SREK1: variants seen among roughly 807,000 people sequenced by gnomAD.
SREK1 encodes splicing regulatory glutamic acid and lysine rich protein 1.
A neutral mutation model predicts 66.5 loss-of-function variants in SREK1; 13 were observed. The observed-to-expected ratio is 0.20, with a 90% CI of 0.13 to 0.31. The LOEUF (loss-of-function observed/expected upper bound fraction) is 0.31, where lower values mean the gene tolerates loss of function less well. Among genes scored for constraint, SREK1 ranks in the 10% least tolerant of loss-of-function variants. SREK1 has a pLI of 1.00. For missense variants in SREK1, 607 were observed against 769.6 expected, an observed-to-expected ratio of 0.79 and a Z score of 2.50; for synonymous variants, 265 against 263.5, an observed-to-expected ratio of 1.01 and a Z score of -0.05.
At chr5:66,167,179 GTTCC>G (rs919563182) in intron 7 of SREK1, 8 of 152,122 alleles carry the variant, frequency 5.3e-5, no homozygotes, top group Non-Finnish European at 1.2e-4. Flanking sequence ...GCCTTTCCCT[GTTCC>G]TTCCGCTTCT....
At chr5:66,161,758 A>G (rs920931422) in intron 3 of SREK1, among the ~76,000 whole-genome samples, 1 of 152,232 alleles carries the variant, frequency 6.6e-6, no homozygotes, top group Non-Finnish European at 1.5e-5. Flanking sequence ...AGAGGCTTGT[A>G]GGAACTTCAC....
rs1297216692 is a variant in SREK1, at chr5:66,181,836, C to T, written c.*2968C>T. The T allele has an allele frequency of 7.4e-6, 1 of 135,652 alleles. No homozygotes were observed. Among genetic ancestry groups the T allele is most frequent in the East Asian group, 2.1e-4 (1 of 4,652 alleles). The allele number at this position is 135,652 out of a possible 1,614,324, so 8.4% of individuals were successfully genotyped here. On this transcript the variant is annotated 3_prime_UTR_variant, in exon 12 of 12. Transcript: ENST00000334121. ...TGTTGATCTTTGGCAGTGCCAGAGG[C>T]TTAAATTTTGACCTGCTCAATTAAA...
intron 11 of SREK1, 125 bp from the exon 12 acceptor site, chr5:66,178,594 A>G (rs1746257748): frequency 1.2e-6 from 1 of 863,234 alleles, no homozygotes; most frequent in Non-Finnish European, 1.7e-6. Flanking sequence ...TTGTGTGAAA[A>G]CGTAATGAGA....
intron 1 of SREK1, among the ~76,000 whole-genome samples, chr5:66,149,274 C>T (rs746477373): frequency 2.2e-4 from 33 of 151,832 alleles, no homozygotes; most frequent in Non-Finnish European, 2.6e-4. Context: ...CGCATGAACC[C>T]GGGAGGCGGA....
intron 3 of SREK1, among the ~76,000 whole-genome samples, chr5:66,159,712 G>GTT: frequency 1.3e-5 from 2 of 152,226 alleles, no homozygotes; most frequent in African/African-American, 4.8e-5. Context: ...GAAAAAAACA[G>GTT]GTCTTTGTCT....
intron 2 of SREK1, chr5:66,157,600 A>T (rs889396392): frequency 1.0e-6 from 1 of 967,870 alleles, no homozygotes; most frequent in African/African-American, 1.8e-5. Context: ...TGTTAATACC[A>T]ATAACTAATA....
In SREK1 at chr5:66,147,860, T is replaced by TAACCAGTTAGGGCCAAGAA. The variant is rs1313843672; in HGVS notation, c.161+3324_161+3325insACCAGTTAGGGCCAAGAAA. ...TGTATAGTGCTATCATTATGTAATA[T>TAACCAGTTAGGGCCAAGAA]ATGTAATATAGCGTAATCAAAGGAA... On this transcript the variant is annotated intron_variant, in intron 1 of 11. Transcript: ENST00000334121. Among the ~76,000 whole-genome samples the TAACCAGTTAGGGCCAAGAA allele has an allele frequency of 2.0e-4, 31 of 152,168 alleles. 1 individual carries two copies. Among genetic ancestry groups the TAACCAGTTAGGGCCAAGAA allele is most frequent in the Non-Finnish European group, 3.2e-4 (22 of 67,930 alleles).
rs756642132 is a variant in SREK1 at position 66,178,877 on chromosome 5, A to C, written c.*9A>C. 3.7e-6 allele frequency: 6 copies of C among 1,603,570 alleles called. No homozygotes were observed. Among genetic ancestry groups the C allele is most frequent in the South Asian group, 1.1e-5 (1 of 89,718 alleles). ...AAACAGAAGCAGTATAGGACCGACA[A>C]GTGTACCTCTGCACTCAATGCTGGA... On this transcript the variant is annotated 3_prime_UTR_variant, in exon 12 of 12. Transcript: ENST00000334121.
intron 6 of SREK1, 28 bp downstream of exon 6, chr5:66,163,950 C>A (rs374502706): frequency 6.2e-7 from 1 of 1,603,934 alleles, no homozygotes; most frequent in South Asian, 1.1e-5. Flanking sequence ...TTACATAGGT[C>A]ATAGTTTAAA....
rs1220897176 is a variant in SREK1 at position 66,145,965 on chromosome 5, ATATATAGATGAGG to A, written c.161+1437_161+1449del. On this transcript the variant is annotated intron_variant, in intron 1 of 11. Coordinates refer to ENST00000334121, the MANE Select transcript of SREK1 (RefSeq NM_001077199.3). ...CATAATCTGAGTTTATATAGATGAGATATATAGATGAGGTATATAGAGATATGTGTATATATAT... is the reference window on the plus strand; with the variant it reads ...CATAATCTGAGTTTATATAGATGAGATATATAGAGATATGTGTATATATAT... Among the ~76,000 whole-genome samples the A allele has an allele frequency of 3.3e-5, 5 of 151,824 alleles. No individual in the cohort carries two copies. In the South Asian group the frequency reaches 1.0e-3, roughly 32 times the overall value.
intron 1 of SREK1, among the ~76,000 whole-genome samples, chr5:66,147,454 A>G (rs761626846): frequency 3.9e-5 from 6 of 152,190 alleles, no homozygotes; most frequent in Non-Finnish European, 7.3e-5. Context: ...AAACATACCT[A>G]TATAACCAGC....
intron 1 of SREK1, among the ~76,000 whole-genome samples, chr5:66,149,076 G>A (rs906179935): frequency 4.6e-5 from 7 of 152,174 alleles, no homozygotes; most frequent in African/African-American, 7.2e-5. Flanking sequence ...AAAATTGGCC[G>A]GGTGCAGTGG....
At chr5:66,167,279 A>T (rs1353716206) in intron 7 of SREK1, 6 of 152,136 alleles carry the variant, frequency 3.9e-5, no homozygotes, top group Non-Finnish European at 5.9e-5. Context: ...CCAAGTTTTG[A>T]TGCCTGTTTT....
At chr5:66,154,637 G>C (rs1744123244) in intron 2 of SREK1, among the ~76,000 whole-genome samples, 1 of 152,100 alleles carries the variant, frequency 6.6e-6, no homozygotes, top group Admixed American at 6.5e-5. Context: ...CCTGTTCTGG[G>C]ATGTCAAAAA....
intron 2 of SREK1, chr5:66,157,051 A>G: frequency 4.1e-6 from 4 of 983,550 alleles, no homozygotes; most frequent in Non-Finnish European, 4.8e-6. Context: ...TAAGCAATGG[A>G]GCTTTTTCTT....
rs181126550 is a variant in SREK1 at position 66,178,752 on chromosome 5, G to C, written c.1759G>C (p.Val587Leu). ...GCACAATAAAGAACCAGATTCAAGTGTGAGCAAAGAAGTAGATGACAAGGA... is the reference window on the plus strand; with the variant it reads ...GCACAATAAAGAACCAGATTCAAGTCTGAGCAAAGAAGTAGATGACAAGGA... Reference protein sequence around the residue: ...KEHNKEPDSSVSKEVDDKDAP... With the variant: ...KEHNKEPDSSLSKEVDDKDAP... The change falls in exon 12 of 12, where the codon GTG (valine) becomes CTG (leucine). Residue 587 changes from valine (V) to leucine (L), a missense_variant. Physicochemically the swap from Val to Leu is conservative, Grantham distance 32 (BLOSUM62 1). Coordinates refer to ENST00000334121, the MANE Select transcript of SREK1 (RefSeq NM_001077199.3). The C allele has an allele frequency of 9.9e-6, 16 of 1,612,174 alleles. No homozygotes were observed. The East Asian group carries it at 2.5e-4, about 25-fold the overall frequency.
chr5:66,164,879 G>T lies in SREK1; in HGVS notation c.983G>T (p.Arg328Ile), dbSNP rs1745046063. 17 of 1,613,822 alleles carry T rather than the reference G, an allele frequency of 1.1e-5. No homozygotes were observed. Among genetic ancestry groups the T allele is most frequent in the Non-Finnish European group, 1.4e-5 (17 of 1,179,758 alleles). ...SSSKSHSRRKRSQSKHRSRSH... is the reference protein window; with the variant it reads ...SSSKSHSRRKISQSKHRSRSH... ...TCAAAATCCCATTCTAGAAGGAAAA[G>T]ATCACAATCAAAACACAGGTGAGAA... The change falls in exon 7 of 12, where the codon AGA becomes ATA. Residue 328 changes from arginine to isoleucine, a missense_variant. Transcript: ENST00000334121.
chr5:66,156,837 CTTGAATTTTTTG>C (rs1561498718), intron 2 of SREK1: 2 of 985,110 alleles, frequency 2.0e-6, no homozygotes, highest in African/African-American at 3.5e-5. Context: ...TTTTTGTTAG[CTTGAATTTTTTG>C]TTGAATATTT....
intron 10 of SREK1, among the ~76,000 whole-genome samples, chr5:66,176,129 G>T (rs1746034300): frequency 6.6e-6 from 1 of 152,086 alleles, no homozygotes; most frequent in Non-Finnish European, 1.5e-5. Flanking sequence ...AATGGGTTCA[G>T]TTTTATTTTA....
Sources: allele counts gnomAD v4.1 joint callset (sites outside exome capture counted in the v4.1 genomes callset), GRCh38; gene constraint gnomAD v4.1.1; transcripts MANE v1.5; gene names NCBI Gene and HGNC (gene_info 2026-07-23, HGNC 2026-07-21).